PPARGC1A: variants seen among roughly 807,000 people sequenced by gnomAD.
PPARGC1A encodes peroxisome proliferator-activated receptor gamma coactivator 1-alpha.
Under a neutral mutation model 88.7 loss-of-function variants are expected in PPARGC1A, and 25 were observed. The ratio of observed to expected loss-of-function variants is 0.28; its 90% CI spans 0.21 to 0.39. The LOEUF (loss-of-function observed/expected upper bound fraction) is 0.39, where lower values mean the gene tolerates loss of function less well. Ranked by LOEUF, PPARGC1A falls within the 10% of genes least tolerant of loss-of-function variation. The pLI is 1.00. For synonymous variants in PPARGC1A, 363 were observed against 355.6 expected, an observed-to-expected ratio of 1.02 and a Z score of -0.24; for missense variants, 880 against 968.7, an observed-to-expected ratio of 0.91 and a Z score of 1.22.
chr4:24,019,441 C>T, the PPARGC1A span, among the ~76,000 whole-genome samples: 13 of 152,172 alleles, frequency 8.5e-5, no homozygotes, highest in Non-Finnish European at 1.6e-4. Flanking sequence ...ATTTCTAGAT[C>T]TCCAAGACCT....
At chr4:23,868,003 C>G (rs1712404018) in intron 2 of PPARGC1A, among the ~76,000 whole-genome samples, 1 of 152,186 alleles carries the variant, frequency 6.6e-6, no homozygotes, top group Non-Finnish European at 1.5e-5. Context: ...GAAGCTGTGG[C>G]CATGCATTTG....
At chr4:24,265,905 A>ATCTCTCT in the PPARGC1A span, among the ~76,000 whole-genome samples, 2 of 137,316 alleles carry the variant, frequency 1.5e-5, no homozygotes, top group African/African-American at 6.0e-5. Context: ...GAAAGGAGAG[A>ATCTCTCT]GGAAAGGACT....
chr4:23,913,567 C>A, the PPARGC1A span, among the ~76,000 whole-genome samples: 1 of 151,992 alleles, frequency 6.6e-6, no homozygotes, highest in Non-Finnish European at 1.5e-5. Context: ...ATCTAGCACT[C>A]TCTGAGAAGA....
the PPARGC1A span, among the ~76,000 whole-genome samples, chr4:24,313,369 A>G: frequency 6.6e-6 from 1 of 152,222 alleles, no homozygotes; most frequent in African/African-American, 2.4e-5. Context: ...CGGTGATAGA[A>G]GATATTTGCC....
chr4:24,097,513 T>C, the PPARGC1A span, among the ~76,000 whole-genome samples: 1 of 152,200 alleles, frequency 6.6e-6, no homozygotes, highest in East Asian at 1.9e-4. Flanking sequence ...AGATTTTACT[T>C]CTGTTTTTGG....
At chr4:24,278,638 C>G in the PPARGC1A span, among the ~76,000 whole-genome samples, 1 of 152,290 alleles carries the variant, frequency 6.6e-6, no homozygotes, top group Admixed American at 6.5e-5. Context: ...CCTCTTGAAG[C>G]CTCAGAGACC....
At chr4:23,831,446 G>T in intron 3 of PPARGC1A, 111 bp downstream of exon 3, 3 of 952,934 alleles carry the variant, frequency 3.1e-6, no homozygotes, top group Middle Eastern at 3.4e-4. Context: ...GGATTGCTTT[G>T]GCATCATTCT....
In PPARGC1A at chr4:23,873,197, C is replaced by CA. The variant is rs1381885920; in HGVS notation, c.234+11554dup. Among the ~76,000 whole-genome samples, 148 of 74,808 alleles carry CA rather than the reference C, an allele frequency of 2.0e-3. 25 individuals are homozygous for CA. Among genetic ancestry groups the CA allele is most frequent in the East Asian group, 3.7e-3 (8 of 2,176 alleles). 49.1% of individuals were successfully genotyped at this position (74,808 alleles called of 152,430 possible). ...GGGGCGACAGAGCGAGACTCCGTCT[C>CA]AAAAATAAAAAATAAAAAATAAAAA... On this transcript the variant is annotated intron_variant, in intron 2 of 12. Coordinates refer to ENST00000264867, the MANE Select transcript of PPARGC1A (RefSeq NM_013261.5).
At chr4:24,063,415 C>T in the PPARGC1A span, among the ~76,000 whole-genome samples, 1 of 152,290 alleles carries the variant, frequency 6.6e-6, no homozygotes, top group East Asian at 1.9e-4. Context: ...CTTCCAAGGG[C>T]TCCACATACT....
At chr4:23,827,958 G>C (rs1391115112) in intron 5 of PPARGC1A, among the ~76,000 whole-genome samples, 1 of 152,068 alleles carries the variant, frequency 6.6e-6, no homozygotes, top group African/African-American at 2.4e-5. Context: ...TAGTAATCAA[G>C]AGAGGCTGCA....
the PPARGC1A span, among the ~76,000 whole-genome samples, chr4:24,185,037 AATT>A: frequency 2.0e-5 from 3 of 152,178 alleles, no homozygotes; most frequent in Non-Finnish European, 2.9e-5. Flanking sequence ...GGAGAGGCTT[AATT>A]ATTATTTTAA....
chr4:24,058,542 C>A, the PPARGC1A span, among the ~76,000 whole-genome samples: 7 of 152,274 alleles, frequency 4.6e-5, no homozygotes, highest in Admixed American at 2.0e-4. Flanking sequence ...TGATTTGTGG[C>A]CCCCTCCTCT....
At chr4:23,912,936 C>G in the PPARGC1A span, among the ~76,000 whole-genome samples, 4 of 150,994 alleles carry the variant, frequency 2.6e-5, no homozygotes, top group African/African-American at 9.7e-5. Context: ...CTACAGGCGC[C>G]CACCACCACG....
chr4:24,316,685 T>G, the PPARGC1A span, among the ~76,000 whole-genome samples: 1 of 152,254 alleles, frequency 6.6e-6, no homozygotes, highest in Admixed American at 6.5e-5. Context: ...TTCTCTCAGC[T>G]TCCACGTCAT....
intron 1 of PPARGC1A, among the ~76,000 whole-genome samples, chr4:23,887,556 G>T (rs1313165995): frequency 6.6e-6 from 1 of 152,136 alleles, no homozygotes; most frequent in Non-Finnish European, 1.5e-5. Context: ...TTTATAATAA[G>T]ATTTAAGAGG....
At chr4:24,347,378 C>T in the PPARGC1A span, among the ~76,000 whole-genome samples, 1 of 152,046 alleles carries the variant, frequency 6.6e-6, no homozygotes, top group Admixed American at 6.6e-5. Flanking sequence ...AAGTCCACCA[C>T]TATTATTGTG....
At position 23,852,579 on chromosome 4, in the gene PPARGC1A, AT is replaced by A. The variant is rs528756298; in HGVS notation, c.235-20829del. On this transcript the variant is annotated intron_variant, in intron 2 of 12. Transcript: ENST00000264867. ...TCGTTTTAAAAATCCACCCTCCCCCATTTTTCTACCTCCACATTTTGGTATC... is the reference window on the plus strand; with the variant it reads ...TCGTTTTAAAAATCCACCCTCCCCCATTTTCTACCTCCACATTTTGGTATC... Among the ~76,000 whole-genome samples the A allele has an allele frequency of 1.6e-3, 246 of 150,670 alleles. 1 individual carries two copies. Among genetic ancestry groups the A allele is most frequent in the African/African-American group, 5.7e-3 (232 of 40,994 alleles).
At chr4:24,139,271 C>CCTG in the PPARGC1A span, among the ~76,000 whole-genome samples, 65 of 152,028 alleles carry the variant, frequency 4.3e-4, no homozygotes, top group Middle Eastern at 0.014. Context: ...GTAGCTGGGA[C>CCTG]TACAGGCACC....
At chr4:24,168,076 G>A in the PPARGC1A span, among the ~76,000 whole-genome samples, 8 of 152,122 alleles carry the variant, frequency 5.3e-5, no homozygotes, top group East Asian at 1.9e-4. Context: ...TTTGAATTAC[G>A]GTATGTAAAG....
Sources: allele counts gnomAD v4.1 joint callset (sites outside exome capture counted in the v4.1 genomes callset), GRCh38; gene constraint gnomAD v4.1.1; transcripts MANE v1.5; gene names NCBI Gene and HGNC (gene_info 2026-07-23, HGNC 2026-07-21).